Variants in TASP1 observed in about 807,000 individuals in gnomAD.
TASP1 encodes taspase 1.
TASP1 carries 16 observed loss-of-function variants against 56.6 expected under a neutral mutation model. The ratio of observed to expected loss-of-function variants is 0.28; its 90% CI spans 0.19 to 0.43. TASP1 has a LOEUF of 0.43. Among genes scored for constraint, TASP1 ranks in the 20% least tolerant of loss-of-function variants. The pLI is 1.00. For missense variants in TASP1, 393 were observed against 511.6 expected (o/e 0.77, Z 2.24); for synonymous variants, 179 against 184.2 (o/e 0.97, Z 0.23).
At chr20:13,531,771 C>A (rs1601144525) in intron 9 of TASP1, among the ~76,000 whole-genome samples, 1 of 152,184 alleles carries the variant, frequency 6.6e-6, no homozygotes. Flanking sequence ...TCAAGCGATT[C>A]TCTTGCCTTA....
chr20:13,406,395 G>A (rs2041921921), intron 13 of TASP1, among the ~76,000 whole-genome samples: 1 of 152,136 alleles, frequency 6.6e-6, no homozygotes, highest in South Asian at 2.1e-4. Flanking sequence ...TCATTCGTTA[G>A]ATTCATTTCA....
At chr20:13,470,943 G>A (rs572836235) in intron 11 of TASP1, among the ~76,000 whole-genome samples, 8 of 152,138 alleles carry the variant, frequency 5.3e-5, no homozygotes, top group South Asian at 2.1e-4. Flanking sequence ...TCTATCTCTG[G>A]CTTCCAAATC....
chr20:13,491,250 G>C (rs991543961), intron 10 of TASP1, among the ~76,000 whole-genome samples: 7 of 152,148 alleles, frequency 4.6e-5, no homozygotes, highest in Non-Finnish European at 8.8e-5. Flanking sequence ...TGATTATCTA[G>C]AGACTGTGGA....
At chr20:13,142,907 CCT>C in the TASP1 span, among the ~76,000 whole-genome samples, 7,160 of 151,754 alleles carry the variant, frequency 0.047, 207 homozygotes, top group African/African-American at 0.085. Context: ...AAATACCCCG[CCT>C]CTCTCTCTCT....
the TASP1 span, among the ~76,000 whole-genome samples, chr20:13,111,437 G>A: frequency 1.3e-5 from 2 of 152,206 alleles, no homozygotes; most frequent in Admixed American, 6.5e-5. Flanking sequence ...CAGAGGCCAG[G>A]GATGCTGCCA....
chr20:13,140,645 T>G, the TASP1 span, among the ~76,000 whole-genome samples: 1 of 152,036 alleles, frequency 6.6e-6, no homozygotes, highest in Non-Finnish European at 1.5e-5. Flanking sequence ...TCTACAGGAT[T>G]AAAAAAACAG....
chr20:13,339,000 T>C, the TASP1 span, among the ~76,000 whole-genome samples: 1 of 151,986 alleles, frequency 6.6e-6, no homozygotes, highest in Non-Finnish European at 1.5e-5. Flanking sequence ...CAAAACAAAA[T>C]ACCTGCAGTC....
intron 11 of TASP1, among the ~76,000 whole-genome samples, chr20:13,467,111 T>C (rs2044288690): frequency 6.6e-6 from 1 of 152,012 alleles, no homozygotes; most frequent in Non-Finnish European, 1.5e-5. Flanking sequence ...ATGCTTCACC[T>C]AGATTCTCAT....
the TASP1 span, among the ~76,000 whole-genome samples, chr20:13,303,796 A>G: frequency 6.6e-6 from 1 of 152,212 alleles, no homozygotes; most frequent in Non-Finnish European, 1.5e-5. Context: ...GAGGGGAGAT[A>G]GTGGATAAGT....
chr20:13,551,612 A>G (rs1484415596), intron 8 of TASP1, among the ~76,000 whole-genome samples: 1 of 152,218 alleles, frequency 6.6e-6, no homozygotes, highest in African/African-American at 2.4e-5. Context: ...TATGCCATGC[A>G]TTCAATCAGT....
intron 8 of TASP1, among the ~76,000 whole-genome samples, chr20:13,555,824 C>T (rs1042612853): frequency 6.6e-6 from 1 of 152,116 alleles, no homozygotes; most frequent in Non-Finnish European, 1.5e-5. Flanking sequence ...CAGCCTTAGC[C>T]TTACAAAATG....
the TASP1 span, among the ~76,000 whole-genome samples, chr20:13,117,945 T>C: frequency 6.6e-6 from 1 of 152,120 alleles, no homozygotes; most frequent in African/African-American, 2.4e-5. Context: ...GATCACACTA[T>C]AATGAAATGG....
intron 10 of TASP1, among the ~76,000 whole-genome samples, chr20:13,510,303 G>A (rs1457881268): frequency 6.6e-6 from 1 of 152,132 alleles, no homozygotes; most frequent in Non-Finnish European, 1.5e-5. Context: ...TGATACTTGA[G>A]AGGAAAACAA....
intron 13 of TASP1, among the ~76,000 whole-genome samples, chr20:13,395,152 T>C (rs2041475225): frequency 6.6e-6 from 1 of 152,234 alleles, no homozygotes; most frequent in Non-Finnish European, 1.5e-5. Context: ...ATTGGAGGCA[T>C]GAGCAACTTA....
the TASP1 span, among the ~76,000 whole-genome samples, chr20:13,183,848 T>C: frequency 4.0e-5 from 6 of 151,862 alleles, no homozygotes; most frequent in African/African-American, 1.2e-4. Context: ...GCTAACATGG[T>C]GAAACGCTGT....
chr20:13,242,621 G>A, the TASP1 span, among the ~76,000 whole-genome samples: 1 of 152,180 alleles, frequency 6.6e-6, no homozygotes, highest in Non-Finnish European at 1.5e-5. Context: ...GGGGAGCCAT[G>A]ATGGGAATGG....
intron 8 of TASP1, among the ~76,000 whole-genome samples, chr20:13,542,654 T>C (rs758037464): frequency 3.9e-5 from 6 of 152,150 alleles, no homozygotes; most frequent in Non-Finnish European, 7.4e-5. Context: ...ACTCTCTGAC[T>C]ATAATACAAT....
At position 13,588,317 on chromosome 20, in the gene TASP1, AAAGGAAGGAAGG is replaced by A. The variant is rs147823593; in HGVS notation, c.283-959_283-948del. Among the ~76,000 whole-genome samples, 34 of 113,824 alleles carry A rather than the reference AAAGGAAGGAAGG, an allele frequency of 3.0e-4. No individual in the cohort carries two copies. The East Asian group carries it at 4.9e-3, about 16-fold the overall frequency. 74.7% of individuals were successfully genotyped at this position (113,824 alleles called of 152,430 possible). The stretch of plus-strand genomic sequence containing the variant: ...AGGAAGGAAGGAAGGAAGAGAAAGA[AAAGGAAGGAAGG>A]AAGGAAGGAAGGAAGGAAGGTAGGT... On this transcript the variant is annotated intron_variant, in intron 4 of 13. Transcript: ENST00000337743.
At chr20:13,591,140 C>T (rs539348682) in intron 4 of TASP1, among the ~76,000 whole-genome samples, 3 of 151,950 alleles carry the variant, frequency 2.0e-5, no homozygotes, top group South Asian at 4.2e-4. Flanking sequence ...CCAACATGCA[C>T]GTAACTGGAG....
Sources: allele counts gnomAD v4.1 joint callset (sites outside exome capture counted in the v4.1 genomes callset), GRCh38; gene constraint gnomAD v4.1.1; transcripts MANE v1.5; gene names NCBI Gene and HGNC (gene_info 2026-07-23, HGNC 2026-07-21).